RGMA: variants seen among roughly 807,000 people sequenced by gnomAD.
The protein encoded by RGMA is repulsive guidance molecule A.
In RGMA, 10 loss-of-function variants were observed where a neutral mutation model predicts 23.2. That is an observed-to-expected ratio of 0.43 (90% CI 0.27 to 0.73). The LOEUF (loss-of-function observed/expected upper bound fraction) is 0.73, where lower values mean the gene tolerates loss of function less well. Ranked by LOEUF, RGMA falls within the 30% of genes least tolerant of loss-of-function variation. RGMA has a pLI of 0.20. For synonymous variants in RGMA, 308 were observed against 279.3 expected, an observed-to-expected ratio of 1.10 and a Z score of -1.03; for missense variants, 547 against 630.5, an observed-to-expected ratio of 0.87 and a Z score of 1.42.
chr15:93,045,922 T>C lies in RGMA; in HGVS notation c.646-217A>G, dbSNP rs2054818433. ...AACTTGCCCTTTTTACTTTAAAAAGTGACTTAGAAAAATGTTAGACCACTA... is the reference window on the plus strand; with the variant it reads ...AACTTGCCCTTTTTACTTTAAAAAGCGACTTAGAAAAATGTTAGACCACTA... On this transcript the variant is annotated intron_variant, in intron 3 of 3. Coordinates refer to ENST00000329082, the MANE Select transcript of RGMA (RefSeq NM_020211.3). The surrounding 1 kb of genome is among the most constrained non-coding windows in gnomAD (Gnocchi z 6.9). 6.6e-6 allele frequency among the ~76,000 whole-genome samples: 1 copy of C among 152,164 alleles called. No individual in the cohort carries two copies. The highest frequency in any genetic ancestry group is 2.1e-4 in the South Asian group (1 of 4,830).
Position 93,041,603 on chromosome 15 carries a change from T to G in RGMA, c.*3395A>C, listed in dbSNP as rs1282861318. On this transcript the variant is annotated 3_prime_UTR_variant, in exon 4 of 4. Coordinates refer to ENST00000329082, the MANE Select transcript of RGMA (RefSeq NM_020211.3). ...ATTTAGCATTTTCGTCTAGTAGAGATTTCTTTTTTCTTTTTCTTCTGTGTG... is the reference window on the plus strand; with the variant it reads ...ATTTAGCATTTTCGTCTAGTAGAGAGTTCTTTTTTCTTTTTCTTCTGTGTG... 1.5e-5 allele frequency: 2 copies of G among 131,970 alleles called. No homozygotes were observed. The highest frequency in any genetic ancestry group is 5.9e-5 in the African/African-American group (2 of 33,914). The allele number at this position is 131,970 out of a possible 1,614,324, so 8.2% of individuals were successfully genotyped here. A position where few individuals can be genotyped will look rare whatever the true frequency, so the allele number is the denominator to read the frequency against.
chr15:93,055,172 A>G (rs566062631), intron 2 of RGMA, among the ~76,000 whole-genome samples: 6 of 152,152 alleles, frequency 3.9e-5, no homozygotes, highest in Non-Finnish European at 8.8e-5. Context: ...CGGAAGGAAC[A>G]CTGGTCTCCT....
At chr15:93,047,228 C>T (rs2054838364) in intron 3 of RGMA, among the ~76,000 whole-genome samples, 1 of 152,116 alleles carries the variant, frequency 6.6e-6, no homozygotes, top group Admixed American at 6.5e-5. Context: ...TCCTGGGTGG[C>T]GTCTGGCTGT....
At chr15:93,073,176 C>T (rs1182163974) in intron 1 of RGMA, 145 bp from the exon 2 acceptor site, 3 of 1,192,178 alleles carry the variant, frequency 2.5e-6, no homozygotes, top group Non-Finnish European at 3.1e-6. Context: ...CCCGCGCCGC[C>T]CCCCGCGCGC....
Position 93,045,079 on chromosome 15 carries a change from C to G in RGMA, c.1272G>C (p.Ala424=), listed in dbSNP as rs62021480. Residue 424 remains alanine, a synonymous_variant, in exon 4 of 4, where the codon GCG becomes GCC. Coordinates refer to ENST00000329082, the MANE Select transcript of RGMA (RefSeq NM_020211.3). The surrounding 1 kb of genome is among the most constrained non-coding windows in gnomAD (Gnocchi z 6.9). ...YERTRDLPGR[A]AAGLPLAPRP... is the part of the protein sequence containing the mutation. ...GGGGGGCCAGGGGCAGCCCCGCAGC[C>G]GCCCTGCCTGGCAGGTCCCGAGTCC... 0.062 allele frequency: 97,867 copies of G among 1,574,328 alleles called. 3,756 individuals are homozygous for G. The highest frequency in any genetic ancestry group is 0.18 in the African/African-American group (13,331 of 74,104).
rs776900066 is a variant in RGMA at position 93,072,886 on chromosome 15, G to GC, written c.130+29dup. On this transcript the variant is annotated intron_variant, in intron 2 of 3. Coordinates refer to ENST00000329082, the MANE Select transcript of RGMA (RefSeq NM_020211.3). ...CATTGAGGGGCGGCCCAGGGACCCGGCCCCGCGCGCCCGGCCGGCAGTGCC... is the reference window on the plus strand; with the variant it reads ...CATTGAGGGGCGGCCCAGGGACCCGGCCCCCGCGCGCCCGGCCGGCAGTGCC... The GC allele has an allele frequency of 5.1e-6, 8 of 1,578,466 alleles. No homozygotes were observed. In the South Asian group the frequency reaches 9.3e-5, roughly 18 times the overall value.
At chr15:93,049,112 C>A (rs1270533288) in intron 3 of RGMA, among the ~76,000 whole-genome samples, 3 of 152,124 alleles carry the variant, frequency 2.0e-5, no homozygotes, top group Admixed American at 6.5e-5. Context: ...GCTGCCAACA[C>A]AGCCACGGGC....
chr15:93,082,771 T>C (rs1479122572), intron 1 of RGMA, among the ~76,000 whole-genome samples: 2 of 152,252 alleles, frequency 1.3e-5, no homozygotes, highest in Non-Finnish European at 2.9e-5. Flanking sequence ...GATTATGGAA[T>C]TGTTTGTCTT....
intron 3 of RGMA, 171 bp downstream of exon 3, chr15:93,051,822 G>A: frequency 1.5e-6 from 1 of 672,844 alleles, no homozygotes; most frequent in Non-Finnish European, 2.5e-6. Flanking sequence ...GAAGGAGGGA[G>A]GAAGCTGAGA....
At chr15:93,054,518 G>A (rs1043474084) in intron 2 of RGMA, among the ~76,000 whole-genome samples, 1 of 152,168 alleles carries the variant, frequency 6.6e-6, no homozygotes, top group Non-Finnish European at 1.5e-5. Flanking sequence ...TTTTATAAAT[G>A]GGAGTTCCCC....
rs138392488 is a variant in RGMA, at chr15:93,059,183, C to G, written c.131-6676G>C. Among the ~76,000 whole-genome samples, 6 of 152,322 alleles carry G rather than the reference C, an allele frequency of 3.9e-5. No homozygotes were observed. The East Asian group carries it at 1.2e-3, about 29-fold the overall frequency. On this transcript the variant is annotated intron_variant, in intron 2 of 3. Transcript: ENST00000329082. The stretch of plus-strand genomic sequence containing the variant: ...AAGATGCTTTTGCCACAAGTCCCTC[C>G]TCAGGACACCAGCTGAGACTGACCC...
At chr15:93,082,246 T>G (rs182053092) in intron 1 of RGMA, among the ~76,000 whole-genome samples, 59 of 152,344 alleles carry the variant, frequency 3.9e-4, no homozygotes, top group African/African-American at 1.4e-3. Flanking sequence ...ATGTACAGGA[T>G]CTTGGGAGAG....
intron 1 of RGMA, chr15:93,074,139 C>G: frequency 1.6e-6 from 1 of 631,432 alleles, no homozygotes; most frequent in African/African-American, 1.9e-5. Context: ...ACAAATAGTC[C>G]TGAGCAAGTG....
chr15:93,089,189 CGCTCGGGA>C lies in RGMA; in HGVS notation c.-265_-258del. ...CCAGCGGCTCGGGCGGCGCAGCCAG[CGCTCGGGA>C]GACAACTGCAGAGTGGGGCGGCCGG... On this transcript the variant is annotated 5_prime_UTR_variant, in exon 1 of 4. Coordinates refer to ENST00000329082, the MANE Select transcript of RGMA (RefSeq NM_020211.3). 3.6e-6 allele frequency: 1 copy of C among 274,812 alleles called. No homozygotes were observed. The highest frequency in any genetic ancestry group is 1.0e-3 in the Middle Eastern group (1 of 958). 17.0% of individuals were successfully genotyped at this position (274,812 alleles called of 1,614,324 possible). A position where few individuals can be genotyped will look rare whatever the true frequency, so the allele number is the denominator to read the frequency against.
intron 1 of RGMA, among the ~76,000 whole-genome samples, chr15:93,076,429 G>A (rs1895474000): frequency 6.6e-6 from 1 of 152,140 alleles, no homozygotes; most frequent in African/African-American, 2.4e-5. Flanking sequence ...CTCAAATCTA[G>A]GGCCTGAGTC....
intron 1 of RGMA, chr15:93,073,812 G>A (rs1176124989): frequency 1.3e-6 from 2 of 1,529,886 alleles, no homozygotes; most frequent in Non-Finnish European, 1.7e-6. Flanking sequence ...GCTGCTTCCT[G>A]AAGACTTGCC....
chr15:93,068,683 T>C (rs1346771749), intron 2 of RGMA, among the ~76,000 whole-genome samples: 1 of 152,222 alleles, frequency 6.6e-6, no homozygotes, highest in Non-Finnish European at 1.5e-5. Context: ...CACACACTGG[T>C]TGCTAGCTGG....
At chr15:93,065,549 G>A (rs1895114701) in intron 2 of RGMA, 1 of 684,430 alleles carries the variant, frequency 1.5e-6, no homozygotes, top group Non-Finnish European at 2.7e-6. Flanking sequence ...CTGGCAGATA[G>A]CAGATGGCAG....
chr15:93,065,690 A>T lies in RGMA; in HGVS notation c.130+7226T>A. ...GCCTGCTGCCCTCTCTGCTGGAAGT[A>T]GGGGTGGTTTCGTGGGCCCTGGGGC... On this transcript the variant is annotated intron_variant, in intron 2 of 3. Coordinates refer to ENST00000329082, the MANE Select transcript of RGMA (RefSeq NM_020211.3). 6 of 1,158,548 alleles carry T rather than the reference A, an allele frequency of 5.2e-6. No homozygotes were observed. In the South Asian group the frequency reaches 6.0e-5, roughly 12 times the overall value. 71.8% of individuals were successfully genotyped at this position (1,158,548 alleles called of 1,614,324 possible).
Sources: gnomAD v4.1 joint callset for allele counts (sites outside exome capture counted in the v4.1 genomes callset) on GRCh38, gnomAD v4.1.1 for gene constraint, Gnocchi (gnomAD v3.1) non-coding constraint, MANE v1.5 for transcripts, NCBI Gene and HGNC (gene_info 2026-07-23, HGNC 2026-07-21) for gene names.